Variants in KAZN observed in about 807,000 individuals in gnomAD.
The protein encoded by KAZN is kazrin.
KAZN carries 40 observed loss-of-function variants against 87.4 expected under a neutral mutation model. The observed-to-expected ratio is 0.46, with a 90% CI of 0.36 to 0.60. KAZN has a LOEUF of 0.60. KAZN is among the 20% of genes least tolerant of loss of function. The pLI, the probability that KAZN is intolerant of heterozygous loss-of-function variation, is 0.00. For missense variants in KAZN, 898 were observed against 1,073.9 expected (o/e 0.84, Z 2.29); for synonymous variants, 466 against 458.3 (o/e 1.02, Z -0.22).
chr1:14,345,229 C>T (rs1658023925), intron 2 of KAZN, among the ~76,000 whole-genome samples: 1 of 152,154 alleles, frequency 6.6e-6, no homozygotes, highest in Non-Finnish European at 1.5e-5. Context: ...ATCCCCTCTT[C>T]TAAATCCTTG....
At chr1:14,839,275 G>A (rs1381977731) in intron 1 of KAZN, among the ~76,000 whole-genome samples, 2 of 152,150 alleles carry the variant, frequency 1.3e-5, no homozygotes, top group African/African-American at 4.8e-5. Context: ...TTTGCTAGGT[G>A]AGAGACTCTA....
chr1:14,617,454 C>T (rs558159481), intron 1 of KAZN, among the ~76,000 whole-genome samples: 1 of 152,242 alleles, frequency 6.6e-6, no homozygotes, highest in South Asian at 2.1e-4. Context: ...CGTTGATAGA[C>T]TTGCTGCATG....
At chr1:14,144,943 A>T (rs1291579216) in intron 1 of KAZN, among the ~76,000 whole-genome samples, 3 of 152,202 alleles carry the variant, frequency 2.0e-5, no homozygotes, top group Non-Finnish European at 4.4e-5. Context: ...CCCCACCTCC[A>T]ACATTGCCAC....
chr1:14,687,039 G>A (rs1035064419), intron 1 of KAZN, among the ~76,000 whole-genome samples: 3 of 152,200 alleles, frequency 2.0e-5, no homozygotes, highest in Non-Finnish European at 4.4e-5. Flanking sequence ...GACCTGTCAG[G>A]ACACTAATGT....
chr1:14,995,125 A>G (rs558520136), intron 2 of KAZN, among the ~76,000 whole-genome samples: 3 of 152,326 alleles, frequency 2.0e-5, no homozygotes, highest in Admixed American at 6.5e-5. Flanking sequence ...GAGCTGGAAG[A>G]GACAGAGTGT....
intron 1 of KAZN, among the ~76,000 whole-genome samples, chr1:14,883,295 CAAAA>C (rs1178260050): frequency 1.0e-5 from 1 of 97,652 alleles, no homozygotes; most frequent in African/African-American, 4.1e-5. Flanking sequence ...AACTCCATCT[CAAAA>C]GAAAGAAAGA....
At chr1:14,134,345 AAACAACT>A (rs1645059058) in intron 1 of KAZN, among the ~76,000 whole-genome samples, 1 of 152,210 alleles carries the variant, frequency 6.6e-6, no homozygotes, top group African/African-American at 2.4e-5. Context: ...CTAGATGTTG[AAACAACT>A]GTGGACTTTC....
At chr1:14,465,640 A>G (rs912881581) in intron 2 of KAZN, among the ~76,000 whole-genome samples, 2 of 152,114 alleles carry the variant, frequency 1.3e-5, no homozygotes, top group African/African-American at 4.8e-5. Context: ...TACTTCTGCC[A>G]CATTCTGTTG....
At chr1:14,436,739 C>CAAAAT (rs1666420183) in intron 2 of KAZN, among the ~76,000 whole-genome samples, 7 of 58,172 alleles carry the variant, frequency 1.2e-4, no homozygotes, top group African/African-American at 4.5e-4. Context: ...AAAAAAAAAA[C>CAAAAT]CTTAAAACAA....
intron 2 of KAZN, among the ~76,000 whole-genome samples, chr1:14,523,285 C>T (rs1383538306): frequency 1.3e-5 from 2 of 152,184 alleles, no homozygotes; most frequent in Admixed American, 6.5e-5. Flanking sequence ...GATTCTCTCG[C>T]TCTTCATGTC....
In KAZN at chr1:14,724,381, A is replaced by T. The variant is rs529237747; in HGVS notation, c.226+125158A>T. On this transcript the variant is annotated intron_variant, in intron 1 of 14. Transcript: ENST00000376030. The stretch of plus-strand genomic sequence containing the variant: ...CAGGGCACAGATGCGTCTGCGGGAG[A>T]GCTGGGATTAGAGTCCCCTTGCACT... Among the ~76,000 whole-genome samples, 4 of 152,268 alleles carry T rather than the reference A, an allele frequency of 2.6e-5. No homozygotes were observed. The South Asian group carries it at 8.3e-4, about 32-fold the overall frequency.
chr1:14,508,154 G>T (rs1437874289), intron 2 of KAZN, among the ~76,000 whole-genome samples: 1 of 152,056 alleles, frequency 6.6e-6, no homozygotes, highest in East Asian at 1.9e-4. Context: ...TGGGGCTGAA[G>T]GACTCTGGCT....
intron 2 of KAZN, among the ~76,000 whole-genome samples, chr1:15,002,842 G>C (rs1254229264): frequency 1.3e-5 from 2 of 151,966 alleles, no homozygotes; most frequent in Non-Finnish European, 2.9e-5. Flanking sequence ...CTGGTATGGT[G>C]GTGGGCGCCT....
chr1:14,151,840 T>C (rs1645480040), intron 1 of KAZN, among the ~76,000 whole-genome samples: 1 of 152,188 alleles, frequency 6.6e-6, no homozygotes. Context: ...TCCCCAGTAG[T>C]AAATTTTATT....
intron 2 of KAZN, among the ~76,000 whole-genome samples, chr1:14,415,059 A>T (rs1446207892): frequency 2.6e-5 from 4 of 152,156 alleles, no homozygotes; most frequent in Admixed American, 2.0e-4. Context: ...ATACATACAA[A>T]AAAGGAACAC....
At chr1:14,044,396 C>T (rs1004834393) in intron 1 of KAZN, among the ~76,000 whole-genome samples, 2 of 151,812 alleles carry the variant, frequency 1.3e-5, no homozygotes, top group African/African-American at 4.8e-5. Context: ...TTCCGCCCCC[C>T]ACCAAGCCAT....
At position 14,292,680 on chromosome 1, in the gene KAZN, G is replaced by T. The variant is rs566177779; in HGVS notation, c.249+112088G>T. 9.8e-5 allele frequency among the ~76,000 whole-genome samples: 15 copies of T among 152,322 alleles called. 1 individual carries two copies. The South Asian group carries it at 2.7e-3, about 27-fold the overall frequency. On this transcript the variant is annotated intron_variant, in intron 2 of 16. Transcript: ENST00000636203. ...AGCTGGCAGGCTCTGGGTGATAAAT[G>T]TGCTCCCGCCTCCCCACCTTTCCTT...
chr1:14,336,561 T>A (rs553998118), intron 2 of KAZN, among the ~76,000 whole-genome samples: 1 of 152,350 alleles, frequency 6.6e-6, no homozygotes, highest in Non-Finnish European at 1.5e-5. Flanking sequence ...AGCTGCACCA[T>A]GTTACATTCC....
intron 1 of KAZN, among the ~76,000 whole-genome samples, chr1:14,154,680 G>A (rs1645549303): frequency 6.6e-6 from 1 of 152,088 alleles, no homozygotes; most frequent in Admixed American, 6.5e-5. Flanking sequence ...TCTATCCCCA[G>A]TTTTTGGAGG....
Sources: gnomAD v4.1 joint callset for allele counts (sites outside exome capture counted in the v4.1 genomes callset) on GRCh38, gnomAD v4.1.1 for gene constraint, MANE v1.5 for transcripts, NCBI Gene and HGNC (gene_info 2026-07-23, HGNC 2026-07-21) for gene names.